PTPRE: variants seen among roughly 807,000 people sequenced by gnomAD.
The protein encoded by PTPRE is protein tyrosine phosphatase receptor type E, also known as receptor-type tyrosine-protein phosphatase epsilon.
A neutral mutation model predicts 102.0 loss-of-function variants in PTPRE; 51 were observed. The observed-to-expected ratio is 0.50, with a 90% CI of 0.40 to 0.63. The LOEUF is 0.63. PTPRE is among the 30% of genes least tolerant of loss of function. PTPRE has a pLI of 0.00. For missense variants in PTPRE, 752 were observed against 915.1 expected (o/e 0.82, Z 2.30); for synonymous variants, 345 against 348.2 (o/e 0.99, Z 0.10).
intron 7 of PTPRE, among the ~76,000 whole-genome samples, chr10:128,057,124 G>C (rs909660314): frequency 6.6e-6 from 1 of 152,032 alleles, no homozygotes; most frequent in Non-Finnish European, 1.5e-5. Flanking sequence ...GACTGAGGCA[G>C]GAGAATCTCT....
At chr10:128,036,190 G>A (rs1402734949) in intron 2 of PTPRE, among the ~76,000 whole-genome samples, 1 of 151,698 alleles carries the variant, frequency 6.6e-6, no homozygotes, top group African/African-American at 2.4e-5. Context: ...GTCTCCTGCC[G>A]AGCTCCCTTC....
At chr10:128,038,713 G>A (rs1847431566) in intron 2 of PTPRE, among the ~76,000 whole-genome samples, 3 of 151,980 alleles carry the variant, frequency 2.0e-5, no homozygotes, top group Admixed American at 1.3e-4. Flanking sequence ...TGTAAATGAC[G>A]AGTTAGTGGG....
At chr10:128,010,573 T>TTTCTTTTCTTTTC (rs1844912684) in intron 2 of PTPRE, among the ~76,000 whole-genome samples, 1 of 150,324 alleles carries the variant, frequency 6.7e-6, no homozygotes. Context: ...TTTCTTTTCT[T>TTTCTTTTCTTTTC]TTCTTTTCTT....
At chr10:127,928,665 C>G (rs1483845164) in intron 1 of PTPRE, among the ~76,000 whole-genome samples, 1 of 152,164 alleles carries the variant, frequency 6.6e-6, no homozygotes, top group Non-Finnish European at 1.5e-5. Context: ...ATTGAGTGAA[C>G]AGCAAACATC....
chr10:127,911,327 C>T (rs751251422), intron 1 of PTPRE, among the ~76,000 whole-genome samples: 16 of 152,204 alleles, frequency 1.1e-4, no homozygotes, highest in Non-Finnish European at 2.2e-4. Flanking sequence ...GCACCATTGA[C>T]TCCAGTGATC....
chr10:127,916,272 C>T (rs1846202557), intron 1 of PTPRE, among the ~76,000 whole-genome samples: 1 of 152,156 alleles, frequency 6.6e-6, no homozygotes, highest in Non-Finnish European at 1.5e-5. Flanking sequence ...TGGTTTCCCC[C>T]ATGCTGTTCT....
chr10:127,960,538 G>A (rs901794454), intron 1 of PTPRE, among the ~76,000 whole-genome samples: 18 of 152,180 alleles, frequency 1.2e-4, no homozygotes, highest in Admixed American at 5.9e-4. Flanking sequence ...CGGTCTGACC[G>A]TTCCCTGCAG....
Position 128,069,791 on chromosome 10 carries a change from A to C in PTPRE, c.1107A>C (p.Arg369=). The change falls in exon 13 of 21, where the codon CGA becomes CGC. Residue 369 remains arginine, a synonymous_variant. Coordinates refer to ENST00000254667, the MANE Select transcript of PTPRE (RefSeq NM_006504.6). ...QKVDVFEFVS[R]IRNQRPQMVQ... ...TGGATGTGTTTGAATTTGTGTCTCGAATCCGTAATCAGCGCCCTCAGATGG... is the reference window on the plus strand; with the variant it reads ...TGGATGTGTTTGAATTTGTGTCTCGCATCCGTAATCAGCGCCCTCAGATGG... 6.2e-7 allele frequency: 1 copy of C among 1,614,194 alleles called. No individual in the cohort carries two copies. Among genetic ancestry groups the C allele is most frequent in the Non-Finnish European group, 8.5e-7 (1 of 1,180,038 alleles).
intron 2 of PTPRE, among the ~76,000 whole-genome samples, chr10:128,014,236 G>T (rs1022928268): frequency 6.6e-6 from 1 of 152,198 alleles, no homozygotes; most frequent in Admixed American, 6.5e-5. Context: ...CACAGCTGGG[G>T]TGTCCAGGGA....
intron 2 of PTPRE, among the ~76,000 whole-genome samples, chr10:127,984,944 G>A (rs1267832038): frequency 6.6e-6 from 1 of 152,326 alleles, no homozygotes; most frequent in East Asian, 1.9e-4. Flanking sequence ...TGATCTATTA[G>A]CCTGTTGCAT....
At chr10:127,913,758 G>A (rs541584758) in intron 1 of PTPRE, among the ~76,000 whole-genome samples, 75 of 152,316 alleles carry the variant, frequency 4.9e-4, no homozygotes, top group African/African-American at 1.8e-3. Flanking sequence ...GGGAGCTCCA[G>A]CCTTCCTTTC....
intron 10 of PTPRE, among the ~76,000 whole-genome samples, chr10:128,063,789 G>A (rs1409277556): frequency 1.3e-5 from 2 of 152,160 alleles, no homozygotes; most frequent in African/African-American, 4.8e-5. Context: ...CAAGGAGTAG[G>A]GGCTCAAATT....
At chr10:128,065,961 G>A in intron 10 of PTPRE, 114 bp from the exon 11 acceptor site, 1 of 1,458,028 alleles carries the variant, frequency 6.9e-7, no homozygotes, top group Non-Finnish European at 9.6e-7. Flanking sequence ...TCTCAGCTGT[G>A]GGAGCTGTGT....
chr10:127,982,609 G>A (rs1851732381), intron 2 of PTPRE, among the ~76,000 whole-genome samples: 1 of 151,834 alleles, frequency 6.6e-6, no homozygotes, highest in African/African-American at 2.4e-5. Context: ...TCACTGACGT[G>A]TCGTTGCTTT....
At chr10:128,062,050 T>A (rs138735647) in intron 9 of PTPRE, among the ~76,000 whole-genome samples, 1 of 152,162 alleles carries the variant, frequency 6.6e-6, no homozygotes, top group Non-Finnish European at 1.5e-5. Context: ...GTGGGGTGAA[T>A]AGCTTTTCAG....
chr10:128,050,034 C>T (rs1387269446), intron 6 of PTPRE, among the ~76,000 whole-genome samples: 1 of 152,202 alleles, frequency 6.6e-6, no homozygotes, highest in East Asian at 1.9e-4. Flanking sequence ...GAGCCCCAAA[C>T]CATCCTTTCA....
intron 3 of PTPRE, among the ~76,000 whole-genome samples, chr10:128,045,305 G>A (rs1285147090): frequency 1.3e-5 from 2 of 152,246 alleles, no homozygotes; most frequent in African/African-American, 2.4e-5. Context: ...AGGCAGGAAC[G>A]TGGAGGCCAG....
chr10:128,066,035 C>T (rs1426802620), intron 10 of PTPRE, 40 bp from the exon 11 acceptor site: 5 of 1,614,072 alleles, frequency 3.1e-6, no homozygotes, highest in Non-Finnish European at 4.2e-6. Context: ...ATGCATTGCA[C>T]CCACAGATCT....
intron 1 of PTPRE, among the ~76,000 whole-genome samples, chr10:127,939,526 A>T (rs1007356409): frequency 6.6e-6 from 1 of 152,088 alleles, no homozygotes; most frequent in Admixed American, 6.6e-5. Flanking sequence ...CTGAAGGGCC[A>T]GTTTGGTGCA....
Sources: gnomAD v4.1 joint callset for allele counts (sites outside exome capture counted in the v4.1 genomes callset) on GRCh38, gnomAD v4.1.1 for gene constraint, MANE v1.5 for transcripts, NCBI Gene and HGNC (gene_info 2026-07-23, HGNC 2026-07-21) for gene names.